The following HSD17B3 variants were observed in gnomAD, a reference collection of about 807,000 sequenced individuals.
HSD17B3 encodes the protein hydroxysteroid 17-beta dehydrogenase 3.
In HSD17B3, 29 loss-of-function variants were observed where a neutral mutation model predicts 41.1. That is an observed-to-expected ratio of 0.71 (90% CI 0.53 to 0.96). HSD17B3 has a LOEUF of 0.96. HSD17B3 is among the 40% of genes least tolerant of loss of function. HSD17B3 has a pLI of 0.00. For synonymous variants in HSD17B3, 126 were observed against 145.6 expected, an observed-to-expected ratio of 0.87 and a Z score of 0.97; for missense variants, 323 against 374.6, an observed-to-expected ratio of 0.86 and a Z score of 1.14.
chr9:96,241,058 C>T (rs1445551925), intron 9 of HSD17B3, 151 bp from the exon 10 acceptor site: 10 of 901,064 alleles, frequency 1.1e-5, no homozygotes, highest in Admixed American at 7.2e-5. Context: ...GGCACAGTAC[C>T]GGCACAGAGC....
chr9:96,262,836 C>T (rs1009684283), intron 2 of HSD17B3, among the ~76,000 whole-genome samples: 15 of 152,108 alleles, frequency 9.9e-5, no homozygotes, highest in African/African-American at 3.4e-4. Context: ...TTTTTTCATT[C>T]CTTTATTTTC....
chr9:96,294,385 A>G (rs1407009097), intron 2 of HSD17B3, among the ~76,000 whole-genome samples: 1 of 152,284 alleles, frequency 6.6e-6, no homozygotes, highest in Admixed American at 6.5e-5. Flanking sequence ...AACTTGTCCA[A>G]AATCTCCAGA....
chr9:96,267,557 C>T (rs1387688803), intron 2 of HSD17B3, among the ~76,000 whole-genome samples: 3 of 151,504 alleles, frequency 2.0e-5, no homozygotes, highest in African/African-American at 2.4e-5. Context: ...AATTCAAAAA[C>T]GTAAAACATT....
At chr9:96,238,486 A>G (rs1380683508) in intron 10 of HSD17B3, among the ~76,000 whole-genome samples, 1 of 152,174 alleles carries the variant, frequency 6.6e-6, no homozygotes, top group Non-Finnish European at 1.5e-5. Context: ...ACATGGTGAA[A>G]CCCTGTCTCC....
In HSD17B3 at chr9:96,249,784, G is replaced by T. The variant is rs1587724901; in HGVS notation, c.456C>A (p.Ser152Arg). The T allele has an allele frequency of 6.2e-7, 1 of 1,613,920 alleles. No individual in the cohort carries two copies. Among genetic ancestry groups the T allele is most frequent in the East Asian group, 2.2e-5 (1 of 44,890 alleles). ...HFLNAPDEIQ[S>R]LIHCNITSVV... ...CGGAGGTGATGTTACAATGGATGAGGCTCTGTAATAAATAATCACAACCAC... is the reference window on the plus strand; with the variant it reads ...CGGAGGTGATGTTACAATGGATGAGTCTCTGTAATAAATAATCACAACCAC... The change falls in exon 6 of 11, where the codon AGC becomes AGA. Residue 152 changes from serine (S) to arginine (R), a missense_variant and splice_region_variant. Transcript: ENST00000375263.
At chr9:96,269,799 G>A (rs1434257344) in intron 2 of HSD17B3, among the ~76,000 whole-genome samples, 2 of 151,650 alleles carry the variant, frequency 1.3e-5, no homozygotes, top group Non-Finnish European at 2.9e-5. Context: ...AGCTATTCGG[G>A]AAGCTGAGGC....
chr9:96,295,274 G>A (rs1827309548), intron 2 of HSD17B3, among the ~76,000 whole-genome samples: 1 of 151,636 alleles, frequency 6.6e-6, no homozygotes, highest in Non-Finnish European at 1.5e-5. Flanking sequence ...CAAAGTGTTG[G>A]GATTACAGGC....
At chr9:96,291,829 C>T (rs2130791526) in intron 2 of HSD17B3, among the ~76,000 whole-genome samples, 1 of 152,064 alleles carries the variant, frequency 6.6e-6, no homozygotes, top group Non-Finnish European at 1.5e-5. Flanking sequence ...TGGTGGTGGG[C>T]ACCTGTAATC....
chr9:96,259,828 C>A (rs188243354), intron 2 of HSD17B3, among the ~76,000 whole-genome samples: 9 of 152,188 alleles, frequency 5.9e-5, no homozygotes, highest in Admixed American at 5.9e-4. Context: ...TGAATGAGAG[C>A]TCTTTACGCA....
intron 2 of HSD17B3, among the ~76,000 whole-genome samples, chr9:96,275,393 T>C (rs1004522802): frequency 1.3e-5 from 2 of 152,096 alleles, no homozygotes; most frequent in Non-Finnish European, 2.9e-5. Flanking sequence ...AGTTAAAAGA[T>C]AAAAATTTGT....
chr9:96,281,209 G>T (rs940375230), intron 2 of HSD17B3, among the ~76,000 whole-genome samples: 1 of 151,974 alleles, frequency 6.6e-6, no homozygotes, highest in African/African-American at 2.4e-5. Flanking sequence ...CCTTCCCAAA[G>T]CCTAACTTTG....
chr9:96,249,891 GA>G, intron 5 of HSD17B3, 105 bp from the exon 6 acceptor site: 1 of 1,600,088 alleles, frequency 6.2e-7, no homozygotes. Context: ...GTGCATGTCT[GA>G]ACGGTTTCAT....
At chr9:96,290,458 T>C (rs987716583) in intron 2 of HSD17B3, among the ~76,000 whole-genome samples, 1 of 140,506 alleles carries the variant, frequency 7.1e-6, no homozygotes, top group Non-Finnish European at 1.5e-5. Flanking sequence ...TTCCTGGGCT[T>C]TTTTTTTTTT....
Position 96,302,141 on chromosome 9 carries a change from GCTCT to G in HSD17B3, c.-41_-38del. Reference sequence around the variant, plus strand: ...ACAGACTGTTTCAGCCCTGGCCGTGGCTCTCTGTGTATGCCTCCTGGGACCACGC... The same window carrying G: ...ACAGACTGTTTCAGCCCTGGCCGTGGCTGTGTATGCCTCCTGGGACCACGC... On this transcript the variant is annotated 5_prime_UTR_variant, in exon 1 of 11. Transcript: ENST00000375263. 1 of 1,609,216 alleles carries G rather than the reference GCTCT, an allele frequency of 6.2e-7. No individual in the cohort carries two copies.
chr9:96,243,211 C>T (rs1836521545), intron 9 of HSD17B3, among the ~76,000 whole-genome samples: 1 of 152,164 alleles, frequency 6.6e-6, no homozygotes, highest in Admixed American at 6.5e-5. Context: ...AAACTTAGCC[C>T]AGACAGAGTT....
Position 96,254,001 on chromosome 9 carries a change from C to T in HSD17B3, c.277+867G>A, listed in dbSNP as rs552170674. Among the ~76,000 whole-genome samples, 4 of 152,232 alleles carry T rather than the reference C, an allele frequency of 2.6e-5. No individual in the cohort carries two copies. In the South Asian group the frequency reaches 6.2e-4, roughly 24 times the overall value. On this transcript the variant is annotated intron_variant, in intron 3 of 10. Transcript: ENST00000375263. ...GGGAAACAAGGCTCACCCCTGACAG[C>T]CCACCATAGTCTTCACAAGTCTCCA...
At chr9:96,255,314 C>G (rs1007024338) in intron 2 of HSD17B3, among the ~76,000 whole-genome samples, 12 of 139,338 alleles carry the variant, frequency 8.6e-5, no homozygotes, top group African/African-American at 2.9e-4. Flanking sequence ...TCTTATGTAG[C>G]AGGGGGTGGG....
intron 2 of HSD17B3, among the ~76,000 whole-genome samples, chr9:96,275,519 G>A (rs747909898): frequency 6.6e-6 from 1 of 151,982 alleles, no homozygotes; most frequent in Non-Finnish European, 1.5e-5. Context: ...AGTGGAGGTT[G>A]CAGTGAGCCA....
chr9:96,291,531 G>A (rs1220367460), intron 2 of HSD17B3, among the ~76,000 whole-genome samples: 2 of 152,132 alleles, frequency 1.3e-5, no homozygotes, highest in Admixed American at 1.3e-4. Context: ...CCAAAATGTT[G>A]AGGATTCAGT....
Sources: allele counts gnomAD v4.1 joint callset (sites outside exome capture counted in the v4.1 genomes callset), GRCh38; gene constraint gnomAD v4.1.1; transcripts MANE v1.5; gene names NCBI Gene and HGNC (gene_info 2026-07-23, HGNC 2026-07-21).